TMEM259: variants seen among roughly 807,000 people sequenced by gnomAD.
TMEM259 encodes the protein membralin.
In TMEM259, 26 loss-of-function variants were observed where a neutral mutation model predicts 46.7. That is an observed-to-expected ratio of 0.56 (90% CI 0.41 to 0.77). The LOEUF is 0.77. Ranked by LOEUF, TMEM259 falls within the 30% of genes least tolerant of loss-of-function variation. The pLI, the probability that TMEM259 is intolerant of heterozygous loss-of-function variation, is 0.00. For synonymous variants in TMEM259, 494 were observed against 395.1 expected (o/e 1.25, Z -2.97); for missense variants, 930 against 900.5 (o/e 1.03, Z -0.42).
rs141314760 is a variant in TMEM259, at chr19:1,014,455, C to T, written c.244G>A (p.Val82Ile). 1.9e-4 allele frequency: 305 copies of T among 1,610,408 alleles called. 1 individual carries two copies. The African/African-American group carries it at 3.7e-3, about 19-fold the overall frequency. Residue 82 changes from valine (V) to isoleucine (I), a missense_variant, in exon 2 of 11, where the codon GTC (valine) becomes ATC (isoleucine). Physicochemically the swap from Val to Ile is conservative, Grantham distance 29. Coordinates refer to ENST00000356663, the MANE Select transcript of TMEM259 (RefSeq NM_001033026.2). ...AAGACGATGTGGATGTAGGCCAGGACGAAGAGCACAAACAGGGCCTAGGGG... is the reference window on the plus strand; with the variant it reads ...AAGACGATGTGGATGTAGGCCAGGATGAAGAGCACAAACAGGGCCTAGGGG... ...VLLKALFVLF[V>I]LAYIHIVFSR...
rs1227483734 is a variant in TMEM259 at position 1,020,268 on chromosome 19, C to T, written c.225+504G>A. 2.6e-5 allele frequency among the ~76,000 whole-genome samples: 4 copies of T among 151,864 alleles called. No individual in the cohort carries two copies. The highest frequency in any genetic ancestry group is 6.6e-5 in the Admixed American group (1 of 15,252). On this transcript the variant is annotated intron_variant, in intron 1 of 10. Transcript: ENST00000356663. The surrounding 1 kb of genome is among the most constrained non-coding windows in gnomAD (Gnocchi z 4.0). Reference sequence around the variant, plus strand: ...GGGAGTGGGGAGTCGACTTCCAGGACAGGGGTTGGTCCGAGGGAGACCTGC... The same window carrying T: ...GGGAGTGGGGAGTCGACTTCCAGGATAGGGGTTGGTCCGAGGGAGACCTGC...
At chr19:1,013,448 T>A in intron 2 of TMEM259, 108 bp from the exon 3 acceptor site, 4 of 1,153,146 alleles carry the variant, frequency 3.5e-6, no homozygotes, top group Non-Finnish European at 5.0e-6. Context: ...CCTCAGCCTC[T>A]GCCCCACCAC....
In TMEM259 at chr19:1,010,164, C is replaced by A; in HGVS notation, c.*186G>T. 1.7e-6 allele frequency: 1 copy of A among 573,456 alleles called. No homozygotes were observed. The highest frequency in any genetic ancestry group is 2.6e-5 in the South Asian group (1 of 38,746). 35.5% of individuals were successfully genotyped at this position (573,456 alleles called of 1,614,324 possible). On this transcript the variant is annotated 3_prime_UTR_variant, in exon 11 of 11. Coordinates refer to ENST00000356663, the MANE Select transcript of TMEM259 (RefSeq NM_001033026.2). Reference sequence around the variant, plus strand: ...CAAACACCTCACTAGCGGGTACAAGCCTCGGGCGCGACCTCACACCAGGGG... The same window carrying A: ...CAAACACCTCACTAGCGGGTACAAGACTCGGGCGCGACCTCACACCAGGGG...
intron 2 of TMEM259, 71 bp from the exon 3 acceptor site, chr19:1,013,411 G>A (rs550573502): frequency 1.3e-6 from 2 of 1,486,400 alleles, no homozygotes; most frequent in African/African-American, 2.8e-5. Context: ...TGAGGATACA[G>A]TCCTGCTAAT....
In TMEM259 at chr19:1,010,365, C is replaced by G. The variant is rs769613381; in HGVS notation, c.1848G>C (p.Ser616=). ...PASMAPTEAP[S]EVGS ...GCTGTGCGGCTCAGGACCCCACCTC[C>G]GAGGGCGCCTCCGTTGGGGCCATGG... Residue 616 remains serine, a synonymous_variant, in exon 11 of 11, where the codon TCG becomes TCC. Coordinates refer to ENST00000356663, the MANE Select transcript of TMEM259 (RefSeq NM_001033026.2). 4.0e-6 allele frequency: 6 copies of G among 1,493,496 alleles called. No individual in the cohort carries two copies. In the Admixed American group the frequency reaches 1.5e-4, roughly 38 times the overall value. The allele number at this position is 1,493,496 out of a possible 1,614,324, so 92.5% of individuals were successfully genotyped here.
At chr19:1,014,696 C>T (rs923678405) in intron 1 of TMEM259, among the ~76,000 whole-genome samples, 31 of 152,320 alleles carry the variant, frequency 2.0e-4, no homozygotes, top group African/African-American at 6.5e-4. Flanking sequence ...ATCCGGGGGA[C>T]GCCCCACTCC....
intron 2 of TMEM259, 132 bp from the exon 3 acceptor site, chr19:1,013,472 G>A (rs2039006497): frequency 2.4e-6 from 2 of 831,446 alleles, no homozygotes; most frequent in Admixed American, 2.5e-5. Context: ...CCAGGCCAGG[G>A]TGGACTACGT....
chr19:1,010,467 G>A lies in TMEM259; in HGVS notation c.1746C>T (p.Asp582=), dbSNP rs777044051. 6.1e-5 allele frequency: 95 copies of A among 1,545,850 alleles called. No homozygotes were observed. Among genetic ancestry groups the A allele is most frequent in the Non-Finnish European group, 7.2e-5 (82 of 1,145,622 alleles). Residue 582 remains aspartate, a synonymous_variant, in exon 11 of 11, where the codon GAC becomes GAT. Transcript: ENST00000356663. ...CTGCGGAGTCACTCGGGGGGACACT[G>A]TCCTGGGGGGCGTGGGGGAGGCCCC... ...PAGGLPHAPQ[D]SVPPSDSAAS... is the part of the protein sequence containing the mutation.
At position 1,009,665 on chromosome 19, in the gene TMEM259, A is replaced by T. The variant is rs1417428831; in HGVS notation, c.*685T>A. The stretch of plus-strand genomic sequence containing the variant: ...CAGCGCAGTGAGCCGCTGTCAACAG[A>T]CAGTTTATTCTATATACAAACACAA... On this transcript the variant is annotated 3_prime_UTR_variant, in exon 11 of 11. Coordinates refer to ENST00000356663, the MANE Select transcript of TMEM259 (RefSeq NM_001033026.2). The T allele has an allele frequency of 2.9e-5, 37 of 1,268,384 alleles. No individual in the cohort carries two copies. Among genetic ancestry groups the T allele is most frequent in the Non-Finnish European group, 3.7e-5 (36 of 980,486 alleles). The allele number at this position is 1,268,384 out of a possible 1,614,324, so 78.6% of individuals were successfully genotyped here.
At position 1,010,683 on chromosome 19, in the gene TMEM259, G is replaced by T. The variant is rs201676598; in HGVS notation, c.1530C>A (p.Ser510Arg). The change falls in exon 11 of 11, where the codon AGC (serine) becomes AGA (arginine). Residue 510 changes from serine (S) to arginine (R), a missense_variant. Transcript: ENST00000356663. ...CCGCTGCCACAGGCCCGGGACTCCCGCTGGCCCCAGGCGAGACGGGGCCCA... is the reference window on the plus strand; with the variant it reads ...CCGCTGCCACAGGCCCGGGACTCCCTCTGGCCCCAGGCGAGACGGGGCCCA... ...PALGPVSPGA[S>R]GSPGPVAAAP... 1 of 1,532,620 alleles carries T rather than the reference G, an allele frequency of 6.5e-7. No individual in the cohort carries two copies. The highest frequency in any genetic ancestry group is 8.7e-7 in the Non-Finnish European group (1 of 1,145,172). 94.9% of individuals were successfully genotyped at this position (1,532,620 alleles called of 1,614,324 possible).
intron 3 of TMEM259, 104 bp from the exon 4 acceptor site, chr19:1,012,677 A>G: frequency 6.9e-7 from 1 of 1,449,608 alleles, no homozygotes; most frequent in Non-Finnish European, 9.2e-7. Context: ...AGACCTGCTG[A>G]GCCCTGGGCC....
chr19:1,016,871 G>T (rs990254154), intron 1 of TMEM259, among the ~76,000 whole-genome samples: 1 of 152,178 alleles, frequency 6.6e-6, no homozygotes, highest in East Asian at 1.9e-4. Flanking sequence ...GACAGCGGAC[G>T]TGATGAGAGG....
At chr19:1,016,098 G>T (rs2039101394) in intron 1 of TMEM259, among the ~76,000 whole-genome samples, 1 of 150,612 alleles carries the variant, frequency 6.6e-6, no homozygotes, top group African/African-American at 2.4e-5. Flanking sequence ...AGGGGATGAA[G>T]GCTGGCCCGG....
In TMEM259 at chr19:1,011,996, C is replaced by G; in HGVS notation, c.842-4G>C. ...GACACCACATTCCGCAGGAAGCCTG[C>G]AGCAGAAGGAGCCGTGAGCGCCCGC... On this transcript the variant is annotated splice_region_variant and splice_polypyrimidine_tract_variant and intron_variant, in intron 5 of 10. Transcript: ENST00000356663. 1 of 1,612,014 alleles carries G rather than the reference C, an allele frequency of 6.2e-7. No individual in the cohort carries two copies. Among genetic ancestry groups the G allele is most frequent in the African/African-American group, 1.3e-5 (1 of 75,014 alleles).
Position 1,021,103 on chromosome 19 carries a change from G to T in TMEM259, c.-107C>A. 1 of 1,164,202 alleles carries T rather than the reference G, an allele frequency of 8.6e-7. No homozygotes were observed. The highest frequency in any genetic ancestry group is 1.1e-6 in the Non-Finnish European group (1 of 925,322). The allele number at this position is 1,164,202 out of a possible 1,614,324, so 72.1% of individuals were successfully genotyped here. ...CTCTCCTCACGGCCTCCCGGCCGCCGCCGCCATCTTCCGCTTTCTCGTCCG... is the reference window on the plus strand; with the variant it reads ...CTCTCCTCACGGCCTCCCGGCCGCCTCCGCCATCTTCCGCTTTCTCGTCCG... On this transcript the variant is annotated 5_prime_UTR_variant, in exon 1 of 11. Coordinates refer to ENST00000356663, the MANE Select transcript of TMEM259 (RefSeq NM_001033026.2).
chr19:1,014,365 G>A lies in TMEM259; in HGVS notation c.334C>T (p.Arg112Cys), dbSNP rs746881428. Residue 112 changes from arginine to cysteine, a missense_variant, in exon 2 of 11, where the codon CGT (arginine) becomes TGT (cysteine). Transcript: ENST00000356663. Reference protein sequence around the residue: ...RDKWPREGILRVEVRHNSSRA... With the variant: ...RDKWPREGILCVEVRHNSSRA... ...CTCGAGTTGTGCCGCACTTCCACACGCAGGATGCCCTCACGCGGCCACTTG... is the reference window on the plus strand; with the variant it reads ...CTCGAGTTGTGCCGCACTTCCACACACAGGATGCCCTCACGCGGCCACTTG... 5.6e-6 allele frequency: 9 copies of A among 1,612,952 alleles called. No individual in the cohort carries two copies. The highest frequency in any genetic ancestry group is 7.6e-6 in the Non-Finnish European group (9 of 1,179,876).
In TMEM259 at chr19:1,020,704, G is replaced by A. The variant is rs929069054; in HGVS notation, c.225+68C>T. On this transcript the variant is annotated intron_variant, in intron 1 of 10. Transcript: ENST00000356663. The surrounding 1 kb of genome is among the most constrained non-coding windows in gnomAD (Gnocchi z 4.0). ...CCCAGCGGGGCCAGGGGTCGCGGTC[G>A]GAGGTAGCAGACTTGGGGGTCGGGA... is the stretch of plus-strand genomic sequence containing the variant. The A allele has an allele frequency of 2.4e-4, 274 of 1,163,030 alleles. 1 individual carries two copies. Among genetic ancestry groups the A allele is most frequent in the Admixed American group, 8.4e-4 (20 of 23,750 alleles). The allele number at this position is 1,163,030 out of a possible 1,614,324, so 72.0% of individuals were successfully genotyped here.
At chr19:1,015,539 C>T (rs2039079978) in intron 1 of TMEM259, among the ~76,000 whole-genome samples, 1 of 152,188 alleles carries the variant, frequency 6.6e-6, no homozygotes, top group African/African-American at 2.4e-5. Flanking sequence ...TACCTCCCAA[C>T]CTGAGGTCCA....
chr19:1,021,080 C>G lies in TMEM259; in HGVS notation c.-84G>C. 3 of 1,234,944 alleles carry G rather than the reference C, an allele frequency of 2.4e-6. No individual in the cohort carries two copies. Among genetic ancestry groups the G allele is most frequent in the Non-Finnish European group, 3.1e-6 (3 of 978,918 alleles). The allele number at this position is 1,234,944 out of a possible 1,614,324, so 76.5% of individuals were successfully genotyped here. On this transcript the variant is annotated 5_prime_UTR_variant, in exon 1 of 11. Transcript: ENST00000356663. ...ATCGGCCGCCCTCGCAGCCGCCGCT[C>G]TCCTCACGGCCTCCCGGCCGCCGCC... is the stretch of plus-strand genomic sequence containing the variant.
Sources: gnomAD v4.1 joint callset for allele counts (sites outside exome capture counted in the v4.1 genomes callset) on GRCh38, gnomAD v4.1.1 for gene constraint, Gnocchi (gnomAD v3.1) non-coding constraint, MANE v1.5 for transcripts, NCBI Gene and HGNC (gene_info 2026-07-23, HGNC 2026-07-21) for gene names.